The following MARK3 variants were observed in gnomAD, a reference collection of about 807,000 sequenced individuals.
The protein encoded by MARK3 is microtubule affinity regulating kinase 3, also known as MAP/microtubule affinity-regulating kinase 3.
MARK3 carries 46 observed loss-of-function variants against 90.1 expected under a neutral mutation model. The observed-to-expected ratio is 0.51, with a 90% CI of 0.40 to 0.65. The LOEUF is 0.65. Among genes scored for constraint, MARK3 ranks in the 30% least tolerant of loss-of-function variants. The probability of loss-of-function intolerance (pLI) is 0.00; values close to 1 mark genes in which losing one functional copy is unlikely to be tolerated. For missense variants in MARK3, 818 were observed against 947.2 expected, an observed-to-expected ratio of 0.86 and a Z score of 1.79; for synonymous variants, 321 against 332.6, an observed-to-expected ratio of 0.97 and a Z score of 0.38.
At chr14:103,450,875 A>T (rs898144968) in intron 4 of MARK3, among the ~76,000 whole-genome samples, 2 of 114,828 alleles carry the variant, frequency 1.7e-5, no homozygotes, top group African/African-American at 6.6e-5. Flanking sequence ...TCATTTTTAA[A>T]GTGTGTGTGT....
At chr14:103,483,570 T>G (rs1187603063) in intron 14 of MARK3, among the ~76,000 whole-genome samples, 2 of 152,234 alleles carry the variant, frequency 1.3e-5, no homozygotes, top group African/African-American at 4.8e-5. Flanking sequence ...TGGTTCTTAC[T>G]AGGCCAATCT....
intron 5 of MARK3, among the ~76,000 whole-genome samples, chr14:103,455,217 A>G (rs2093248668): frequency 6.6e-6 from 1 of 152,150 alleles, no homozygotes; most frequent in African/African-American, 2.4e-5. Context: ...TTAATCGTTT[A>G]ATTTTTTTAA....
chr14:103,421,862 A>G (rs781668976), intron 2 of MARK3, among the ~76,000 whole-genome samples: 8 of 151,998 alleles, frequency 5.3e-5, no homozygotes, highest in African/African-American at 7.3e-5. Flanking sequence ...TCTTTAACCA[A>G]TGTCCTCATT....
At chr14:103,419,989 TAAGAAA>T (rs10552707) in intron 2 of MARK3, among the ~76,000 whole-genome samples, 43,027 of 151,480 alleles carry the variant, frequency 0.28, 7,115 homozygotes, top group Non-Finnish European at 0.36. Context: ...TCCTGTCTCT[TAAGAAA>T]AAGAAACAGA....
intron 10 of MARK3, 145 bp from the exon 11 acceptor site, chr14:103,466,934 G>A: frequency 9.2e-6 from 4 of 435,214 alleles, no homozygotes; most frequent in East Asian, 3.8e-5. Flanking sequence ...AATCTGGGAG[G>A]TGGAGGTTGC....
At chr14:103,483,705 G>A (rs968585457) in intron 14 of MARK3, among the ~76,000 whole-genome samples, 18 of 152,150 alleles carry the variant, frequency 1.2e-4, no homozygotes, top group East Asian at 1.9e-4. Flanking sequence ...TAAACTGGTC[G>A]TGCTGAAGGC....
intron 2 of MARK3, among the ~76,000 whole-genome samples, chr14:103,422,710 A>G (rs2092266823): frequency 6.6e-6 from 1 of 152,200 alleles, no homozygotes. Flanking sequence ...TTGTACTAAT[A>G]GAATGTTAGA....
At chr14:103,435,967 T>C (rs1406163839) in intron 3 of MARK3, among the ~76,000 whole-genome samples, 1 of 152,008 alleles carries the variant, frequency 6.6e-6, no homozygotes, top group Non-Finnish European at 1.5e-5. Context: ...CTCGGCTCAC[T>C]GCAACCCCTG....
chr14:103,425,553 G>A (rs1027295677), intron 2 of MARK3, among the ~76,000 whole-genome samples: 15 of 152,196 alleles, frequency 9.9e-5, no homozygotes, highest in African/African-American at 4.8e-5. Flanking sequence ...CACCTCACCC[G>A]GACAACTCAG....
intron 4 of MARK3, among the ~76,000 whole-genome samples, chr14:103,451,075 T>G (rs1398074691): frequency 6.6e-6 from 1 of 151,430 alleles, no homozygotes; most frequent in Non-Finnish European, 1.5e-5. Flanking sequence ...GGACTACAGG[T>G]GCATGCCGCC....
intron 2 of MARK3, chr14:103,412,641 A>C: frequency 1.0e-6 from 1 of 958,008 alleles, no homozygotes; most frequent in East Asian, 4.0e-5. Flanking sequence ...TGGGGGTCAT[A>C]GTTCTTCAAG....
chr14:103,464,546 C>T (rs1376163799), intron 7 of MARK3, among the ~76,000 whole-genome samples: 1 of 151,842 alleles, frequency 6.6e-6, no homozygotes, highest in Non-Finnish European at 1.5e-5. Flanking sequence ...GTGATCCACC[C>T]GCCTCAGCCT....
intron 2 of MARK3, among the ~76,000 whole-genome samples, chr14:103,426,681 T>G (rs1175788057): frequency 6.6e-6 from 1 of 152,160 alleles, no homozygotes; most frequent in East Asian, 1.9e-4. Context: ...TACGTGACAG[T>G]GATGAGCTGA....
At chr14:103,501,615 G>A (rs1346025702) in intron 17 of MARK3, among the ~76,000 whole-genome samples, 1 of 151,914 alleles carries the variant, frequency 6.6e-6, no homozygotes, top group Non-Finnish European at 1.5e-5. Context: ...CTCAGATGCA[G>A]GCCCACCCCC....
chr14:103,471,936 C>T (rs1486393128), intron 12 of MARK3, among the ~76,000 whole-genome samples: 1 of 152,088 alleles, frequency 6.6e-6, no homozygotes, highest in East Asian at 1.9e-4. Flanking sequence ...TAGGGCTGGG[C>T]GCAGTGGCTC....
Position 103,405,583 on chromosome 14 carries a change from C to T in MARK3, c.243+316C>T, listed in dbSNP as rs559467988. On this transcript the variant is annotated intron_variant, in intron 2 of 17. Transcript: ENST00000429436. ...GTCTCGATCTCCTGACCTTGTGATC[C>T]GCCCGTCTCGGCCTCCCAAAGTGCT... Among the ~76,000 whole-genome samples the T allele has an allele frequency of 1.4e-3, 208 of 152,090 alleles. 1 individual carries two copies. The highest frequency in any genetic ancestry group is 4.7e-3 in the African/African-American group (196 of 41,490).
chr14:103,461,084 G>T (rs2093391932), intron 6 of MARK3, among the ~76,000 whole-genome samples: 1 of 152,172 alleles, frequency 6.6e-6, no homozygotes, highest in Non-Finnish European at 1.5e-5. Context: ...ACAGCCCTCT[G>T]AGATTTTATG....
Position 103,468,197 on chromosome 14 carries a change from G to T in MARK3, c.1264+11G>T, listed in dbSNP as rs1196750127. On this transcript the variant is annotated intron_variant, in intron 12 of 17. Coordinates refer to ENST00000429436, the MANE Select transcript of MARK3 (RefSeq NM_001128918.3). ...GCTACAGTGACCATGGTAAGTTTTG[G>T]AGTATCCCAGTGCCTTCTCTTAGAG... The T allele has an allele frequency of 1.1e-5, 17 of 1,611,480 alleles. No homozygotes were observed. The highest frequency in any genetic ancestry group is 1.4e-5 in the Non-Finnish European group (16 of 1,178,730).
intron 3 of MARK3, among the ~76,000 whole-genome samples, chr14:103,444,270 G>A (rs2092937154): frequency 6.6e-6 from 1 of 151,856 alleles, no homozygotes; most frequent in Admixed American, 6.6e-5. Flanking sequence ...CCCATTGCCA[G>A]GATTCCAAAT....
Sources: gnomAD v4.1 joint callset for allele counts (sites outside exome capture counted in the v4.1 genomes callset) on GRCh38, gnomAD v4.1.1 for gene constraint, MANE v1.5 for transcripts, NCBI Gene and HGNC (gene_info 2026-07-23, HGNC 2026-07-21) for gene names.